STXBP5L: variants seen among roughly 807,000 people sequenced by gnomAD.
STXBP5L encodes the protein syntaxin-binding protein 5-like.
STXBP5L carries 65 observed loss-of-function variants against 144.5 expected under a neutral mutation model. That is an observed-to-expected ratio of 0.45 (90% CI 0.37 to 0.55). STXBP5L has a LOEUF of 0.55. Ranked by LOEUF, STXBP5L falls within the 20% of genes least tolerant of loss-of-function variation. The probability of loss-of-function intolerance (pLI) is 0.00; values close to 1 mark genes in which losing one functional copy is unlikely to be tolerated. For synonymous variants in STXBP5L, 505 were observed against 469.6 expected (o/e 1.08, Z -0.97); for missense variants, 1,298 against 1,405.5 (o/e 0.92, Z 1.22).
chr3:121,181,069 C>A (rs2047127949), intron 9 of STXBP5L, among the ~76,000 whole-genome samples: 1 of 147,062 alleles, frequency 6.8e-6, no homozygotes, highest in Non-Finnish European at 1.5e-5. Flanking sequence ...CATTGCACTC[C>A]AGCCTGGGCA....
At chr3:121,312,391 T>TA (rs1553764368) in intron 19 of STXBP5L, among the ~76,000 whole-genome samples, 6,010 of 99,922 alleles carry the variant, frequency 0.06, 300 homozygotes, top group Non-Finnish European at 0.08. Context: ...TTTTTTTTTT[T>TA]ATGGCAGAAA....
At chr3:121,220,632 G>A (rs2048945040) in intron 10 of STXBP5L, among the ~76,000 whole-genome samples, 1 of 152,074 alleles carries the variant, frequency 6.6e-6, no homozygotes, top group Non-Finnish European at 1.5e-5. Context: ...CAAAATTCCT[G>A]AAAGGAGATA....
intron 10 of STXBP5L, among the ~76,000 whole-genome samples, chr3:121,210,181 C>G (rs1486683327): frequency 6.6e-6 from 1 of 152,046 alleles, no homozygotes; most frequent in Non-Finnish European, 1.5e-5. Flanking sequence ...TCTCTGATGG[C>G]CAGTGATGAT....
chr3:120,989,145 T>G (rs552634496), intron 3 of STXBP5L, among the ~76,000 whole-genome samples: 1 of 152,284 alleles, frequency 6.6e-6, no homozygotes, highest in East Asian at 1.9e-4. Flanking sequence ...CAGTTATCTT[T>G]TGATACAATG....
At chr3:121,051,297 C>T (rs1240337537) in intron 5 of STXBP5L, among the ~76,000 whole-genome samples, 6 of 152,146 alleles carry the variant, frequency 3.9e-5, no homozygotes, top group Non-Finnish European at 7.4e-5. Flanking sequence ...TTTTCAGCAC[C>T]ACACCACACC....
At chr3:120,972,555 T>C (rs1166443095) in intron 3 of STXBP5L, among the ~76,000 whole-genome samples, 2 of 152,064 alleles carry the variant, frequency 1.3e-5, no homozygotes, top group Admixed American at 1.3e-4. Context: ...TTTGCATGCC[T>C]CTTATTTCTT....
intron 4 of STXBP5L, among the ~76,000 whole-genome samples, chr3:121,044,984 T>C (rs1308520336): frequency 2.6e-5 from 4 of 152,262 alleles, no homozygotes; most frequent in Admixed American, 1.3e-4. Context: ...AATATACGCT[T>C]TCCAAATATA....
chr3:121,373,197 G>A (rs2046083034), intron 20 of STXBP5L, among the ~76,000 whole-genome samples: 2 of 152,234 alleles, frequency 1.3e-5, no homozygotes, highest in African/African-American at 4.8e-5. Context: ...CATAGAAAAG[G>A]AAGCAAGGCA....
chr3:121,098,604 C>T lies in STXBP5L; in HGVS notation c.471-16321C>T, dbSNP rs933911076. On this transcript the variant is annotated intron_variant, in intron 5 of 26. Coordinates refer to ENST00000471454, the MANE Select transcript of STXBP5L (RefSeq NM_001308330.2). ...ACATGAGATTTGGAGGGGACACACA[C>T]TCAAACCGTATTATGAGGCCAGAGA... 4.6e-5 allele frequency among the ~76,000 whole-genome samples: 7 copies of T among 152,200 alleles called. No homozygotes were observed. In the East Asian group the frequency reaches 1.3e-3, roughly 29 times the overall value.
At chr3:120,968,559 C>G (rs1172733003) in intron 3 of STXBP5L, among the ~76,000 whole-genome samples, 1 of 152,058 alleles carries the variant, frequency 6.6e-6, no homozygotes, top group East Asian at 1.9e-4. Context: ...TTCAGCCACC[C>G]TGCATTTTAA....
At chr3:121,240,389 T>G in intron 13 of STXBP5L, 51 bp from the exon 14 acceptor site, 1 of 1,514,810 alleles carries the variant, frequency 6.6e-7, no homozygotes, top group Non-Finnish European at 9.1e-7. Context: ...CATTTTAAAT[T>G]TCTAAGCCAT....
At chr3:121,179,218 T>C (rs1438582316) in intron 9 of STXBP5L, among the ~76,000 whole-genome samples, 1 of 151,984 alleles carries the variant, frequency 6.6e-6, no homozygotes, top group African/African-American at 2.4e-5. Context: ...GCCATTCCAA[T>C]TCCATAGGAG....
chr3:121,056,912 AG>A (rs1279179907), intron 5 of STXBP5L, among the ~76,000 whole-genome samples: 1 of 151,184 alleles, frequency 6.6e-6, no homozygotes, highest in African/African-American at 2.4e-5. Context: ...CAAATTAGCA[AG>A]ACCTTTAAAC....
chr3:120,941,389 C>T (rs1021960857), intron 2 of STXBP5L, among the ~76,000 whole-genome samples: 1 of 151,632 alleles, frequency 6.6e-6, no homozygotes, highest in Non-Finnish European at 1.5e-5. Flanking sequence ...TGTAGGTGCT[C>T]ATTCTGTTCT....
At chr3:121,316,560 G>T (rs1290637520) in intron 19 of STXBP5L, among the ~76,000 whole-genome samples, 3 of 152,124 alleles carry the variant, frequency 2.0e-5, no homozygotes, top group Non-Finnish European at 4.4e-5. Flanking sequence ...TTATCTGTAT[G>T]ATGGGGTTAA....
chr3:121,291,657 A>T (rs1420955659), intron 19 of STXBP5L, among the ~76,000 whole-genome samples: 1 of 152,188 alleles, frequency 6.6e-6, no homozygotes, highest in Admixed American at 6.5e-5. Context: ...ACTTCAAACT[A>T]CACTACAAGG....
chr3:121,054,061 G>A (rs1345597053), intron 5 of STXBP5L, among the ~76,000 whole-genome samples: 4 of 152,132 alleles, frequency 2.6e-5, no homozygotes, highest in Non-Finnish European at 5.9e-5. Flanking sequence ...ACACCCGTTA[G>A]AATGGCAATC....
chr3:121,235,988 G>T (rs1453155137), intron 12 of STXBP5L, among the ~76,000 whole-genome samples: 1 of 152,100 alleles, frequency 6.6e-6, no homozygotes, highest in African/African-American at 2.4e-5. Flanking sequence ...GAAGTTATAG[G>T]ATGACACAGA....
At chr3:121,254,517 A>C (rs1009861484) in intron 15 of STXBP5L, among the ~76,000 whole-genome samples, 6 of 152,182 alleles carry the variant, frequency 3.9e-5, no homozygotes, top group African/African-American at 9.7e-5. Flanking sequence ...TGAGATAAAG[A>C]ATAGAGGAGT....
Sources: allele counts gnomAD v4.1 joint callset (sites outside exome capture counted in the v4.1 genomes callset), GRCh38; gene constraint gnomAD v4.1.1; transcripts MANE v1.5; gene names NCBI Gene and HGNC (gene_info 2026-07-23, HGNC 2026-07-21).